Variants in GPC5 observed in about 807,000 individuals in gnomAD.
GPC5 encodes the protein glypican-5.
In GPC5, 47 loss-of-function variants were observed where a neutral mutation model predicts 53.9. The observed-to-expected ratio is 0.87, with a 90% confidence interval of 0.69 to 1.11. GPC5 has a LOEUF of 1.11. GPC5 is among the 50% of genes most tolerant of loss of function. The probability of loss-of-function intolerance (pLI) is 0.00; values close to 1 mark genes in which losing one functional copy is unlikely to be tolerated. For missense variants in GPC5, 748 were observed against 713.1 expected (o/e 1.05, Z -0.56); for synonymous variants, 286 against 263.3 (o/e 1.09, Z -0.84).
At chr13:91,547,850 G>A (rs2030385580) in intron 2 of GPC5, among the ~76,000 whole-genome samples, 1 of 152,016 alleles carries the variant, frequency 6.6e-6, no homozygotes, top group South Asian at 2.1e-4. Context: ...ATTTCAATAT[G>A]CTAAAAAACA....
intron 5 of GPC5, among the ~76,000 whole-genome samples, chr13:91,829,561 A>C (rs752938201): frequency 6.6e-6 from 1 of 152,090 alleles, no homozygotes; most frequent in Non-Finnish European, 1.5e-5. Flanking sequence ...AGAAAGAATG[A>C]GTAAATAGAG....
At chr13:91,474,385 C>T (rs1013463171) in intron 2 of GPC5, among the ~76,000 whole-genome samples, 1 of 151,948 alleles carries the variant, frequency 6.6e-6, no homozygotes, top group Non-Finnish European at 1.5e-5. Flanking sequence ...TGAAGAAGAC[C>T]TAGAATAGTA....
Position 91,572,527 on chromosome 13 carries a change from C to G in GPC5, c.326-120660C>G, listed in dbSNP as rs78477264. 2.8e-4 allele frequency among the ~76,000 whole-genome samples: 43 copies of G among 152,100 alleles called. No individual in the cohort carries two copies. The East Asian group carries it at 7.7e-3, about 27-fold the overall frequency. ...GACAGCAAAGGGGGAGCCATTGTAT[C>G]ACATGGTGAGAGAGAGTGAGCAAGA... On this transcript the variant is annotated intron_variant, in intron 2 of 7. Transcript: ENST00000377067.
intron 7 of GPC5, among the ~76,000 whole-genome samples, chr13:92,485,935 C>A (rs1332567973): frequency 6.6e-6 from 1 of 152,150 alleles, no homozygotes. Context: ...CATTGCACTC[C>A]AGCCTGGGCG....
chr13:91,822,837 CAT>C (rs2038517427), intron 5 of GPC5, among the ~76,000 whole-genome samples: 1 of 152,144 alleles, frequency 6.6e-6, no homozygotes, highest in Non-Finnish European at 1.5e-5. Context: ...ATCAATATCA[CAT>C]GAGTTGGACT....
chr13:91,484,923 T>C (rs1410488373), intron 2 of GPC5, among the ~76,000 whole-genome samples: 3 of 152,198 alleles, frequency 2.0e-5, no homozygotes, highest in Non-Finnish European at 4.4e-5. Context: ...TGAGAAAGTG[T>C]CTCCACAATC....
At chr13:92,288,583 G>T (rs367641952) in intron 7 of GPC5, among the ~76,000 whole-genome samples, 3 of 152,068 alleles carry the variant, frequency 2.0e-5, no homozygotes, top group Admixed American at 1.3e-4. Flanking sequence ...TCTTAATCAG[G>T]CACTCCCCTG....
chr13:92,178,527 T>C (rs778344772), intron 7 of GPC5, among the ~76,000 whole-genome samples: 3 of 151,030 alleles, frequency 2.0e-5, no homozygotes, highest in Non-Finnish European at 4.4e-5. Flanking sequence ...AATTTTTGTA[T>C]AGTGTTTGTA....
intron 6 of GPC5, among the ~76,000 whole-genome samples, chr13:91,978,695 T>C (rs895729493): frequency 1.4e-4 from 21 of 152,176 alleles, no homozygotes; most frequent in Non-Finnish European, 2.5e-4. Context: ...GGAGTGAGTC[T>C]TATTTTATTT....
chr13:91,728,410 T>C (rs896177548), intron 3 of GPC5, 122 bp from the exon 4 acceptor site: 2 of 755,684 alleles, frequency 2.6e-6, no homozygotes, highest in African/African-American at 3.5e-5. Context: ...ACATATTATA[T>C]TTAAGATTAA....
chr13:92,179,884 TAACTG>T (rs767857892), intron 7 of GPC5, among the ~76,000 whole-genome samples: 14 of 152,200 alleles, frequency 9.2e-5, no homozygotes, highest in Non-Finnish European at 1.8e-4. Context: ...ATAGGTGAAT[TAACTG>T]AACTTTAGAT....
intron 2 of GPC5, among the ~76,000 whole-genome samples, chr13:91,539,325 A>G (rs983676316): frequency 6.6e-6 from 1 of 152,188 alleles, no homozygotes; most frequent in African/African-American, 2.4e-5. Context: ...ATTGGATCAC[A>G]TGATCACAAG....
chr13:92,562,002 A>C (rs1365429712), intron 7 of GPC5, among the ~76,000 whole-genome samples: 1 of 152,026 alleles, frequency 6.6e-6, no homozygotes, highest in African/African-American at 2.4e-5. Flanking sequence ...ATAAACTATC[A>C]ATTTTAGAGA....
Position 92,347,876 on chromosome 13 carries a change from TA to T in GPC5, c.1561+202888del, listed in dbSNP as rs2043431297. Reference sequence around the variant, plus strand: ...ATACATATATATATTATATATATAATATATATTATATATATTATATATATAA... The same window carrying T: ...ATACATATATATATTATATATATAATTATATTATATATATTATATATATAA... On this transcript the variant is annotated intron_variant, in intron 7 of 7. Coordinates refer to ENST00000377067, the MANE Select transcript of GPC5 (RefSeq NM_004466.6). 1.0e-3 allele frequency among the ~76,000 whole-genome samples: 2 copies of T among 2,010 alleles called. 1 individual carries two copies. The highest frequency in any genetic ancestry group is 0.021 in the Admixed American group (2 of 94). The allele number at this position is 2,010 out of a possible 152,430, so 1.3% of individuals were successfully genotyped here.
chr13:91,448,909 G>A lies in GPC5; in HGVS notation c.312G>A (p.Ala104=), dbSNP rs942126306. The part of the protein sequence containing the change: ...STLKFLISRN[A]AAFQETLETL... ...TAAAGTTTCTAATATCTCGAAATGC[G>A]GCTGCTTTTCAAGGTAAGTGGATCT... The change falls in exon 2 of 8, where the codon GCG becomes GCA. Residue 104 remains alanine (A), a synonymous_variant. Transcript: ENST00000377067. 8.7e-6 allele frequency: 14 copies of A among 1,612,680 alleles called. No homozygotes were observed. The East Asian group carries it at 1.3e-4, about 15-fold the overall frequency.
chr13:92,011,976 C>T (rs963158086), intron 6 of GPC5, among the ~76,000 whole-genome samples: 1 of 152,044 alleles, frequency 6.6e-6, no homozygotes, highest in Non-Finnish European at 1.5e-5. Flanking sequence ...TGTTCTCAAC[C>T]GGAATGGGGA....
In GPC5 at chr13:92,523,743, TACTC is replaced by T. The variant is rs550061909; in HGVS notation, c.1562-342537_1562-342534del. ...CCTTTTGTATTATAGTATCAATACTTACTCATTATAGTCAACAAATTAATTATTT... is the reference window on the plus strand; with the variant it reads ...CCTTTTGTATTATAGTATCAATACTTATTATAGTCAACAAATTAATTATTT... On this transcript the variant is annotated intron_variant, in intron 7 of 7. Transcript: ENST00000377067. Among the ~76,000 whole-genome samples the T allele has an allele frequency of 2.6e-3, 403 of 152,208 alleles. 1 individual carries two copies. The highest frequency in any genetic ancestry group is 9.4e-3 in the African/African-American group (392 of 41,568).
intron 7 of GPC5, among the ~76,000 whole-genome samples, chr13:92,794,438 G>A (rs539253066): frequency 2.0e-5 from 3 of 152,188 alleles, no homozygotes; most frequent in African/African-American, 7.2e-5. Context: ...TAGTGAATGG[G>A]CAAAAACTGG....
chr13:92,677,029 AT>A (rs1224313354), intron 7 of GPC5, among the ~76,000 whole-genome samples: 2 of 152,184 alleles, frequency 1.3e-5, no homozygotes, highest in Non-Finnish European at 2.9e-5. Context: ...CTTTGTATAA[AT>A]TATGATCATA....
Sources: allele counts gnomAD v4.1 joint callset (sites outside exome capture counted in the v4.1 genomes callset), GRCh38; gene constraint gnomAD v4.1.1; transcripts MANE v1.5; gene names NCBI Gene and HGNC (gene_info 2026-07-23, HGNC 2026-07-21).